The following KCNQ4 variants were observed in gnomAD, a reference collection of about 807,000 sequenced individuals.
KCNQ4 encodes potassium voltage-gated channel subfamily Q member 4, also known as potassium voltage-gated channel subfamily KQT member 4.
Under a neutral mutation model 72.6 loss-of-function variants are expected in KCNQ4, and 31 were observed. The observed-to-expected ratio is 0.43, with a 90% CI of 0.32 to 0.58. The LOEUF (loss-of-function observed/expected upper bound fraction) is 0.58. KCNQ4 is among the 20% of genes least tolerant of loss of function. The pLI, the probability that KCNQ4 is intolerant of heterozygous loss-of-function variation, is 0.08. For synonymous variants in KCNQ4, 405 were observed against 403.7 expected (o/e 1.00, Z -0.04); for missense variants, 869 against 962.6 (o/e 0.90, Z 1.29).
In KCNQ4 at chr1:40,819,506, C is replaced by G. The variant is rs146642553; in HGVS notation, c.834+34C>G. The G allele has an allele frequency of 5.9e-4, 949 of 1,612,094 alleles. 11 individuals are homozygous for G. In the African/African-American group the frequency reaches 0.011, roughly 19 times the overall value. On this transcript the variant is annotated intron_variant, in intron 5 of 13. Transcript: ENST00000347132. ...GGGTCTTTGTAGGGCTGCCCTTCTC[C>G]CTGGGATCCTCCCTGGGAACTTCCC...
At chr1:40,795,687 G>A (rs753580258) in intron 1 of KCNQ4, among the ~76,000 whole-genome samples, 4 of 152,018 alleles carry the variant, frequency 2.6e-5, no homozygotes, top group East Asian at 1.9e-4. Context: ...ATGGGGGAGC[G>A]GGGCAGGTGG....
intron 9 of KCNQ4, among the ~76,000 whole-genome samples, chr1:40,826,094 A>C (rs1175036884): frequency 6.6e-6 from 1 of 152,204 alleles, no homozygotes; most frequent in East Asian, 1.9e-4. Flanking sequence ...CCGTATCGTT[A>C]ATCGTGGCTG....
chr1:40,804,522 C>T (rs1647692246), intron 1 of KCNQ4, among the ~76,000 whole-genome samples: 1 of 152,180 alleles, frequency 6.6e-6, no homozygotes, highest in Admixed American at 6.5e-5. Flanking sequence ...TCCCCTCATA[C>T]AAGTCACCAT....
chr1:40,820,592 C>G (rs897143461), intron 7 of KCNQ4, among the ~76,000 whole-genome samples: 1 of 152,246 alleles, frequency 6.6e-6, no homozygotes, highest in African/African-American at 2.4e-5. Flanking sequence ...CCACTGCTGC[C>G]CCCATCAGCT....
In KCNQ4 at chr1:40,838,639, G is replaced by T; in HGVS notation, c.*116G>T. On this transcript the variant is annotated 3_prime_UTR_variant, in exon 14 of 14. Coordinates refer to ENST00000347132, the MANE Select transcript of KCNQ4 (RefSeq NM_004700.4). ...GAACTCACTCCCTCACGGGGAGAGAGACCACACGCAGTATTGAGCTGCCTG... is the reference window on the plus strand; with the variant it reads ...GAACTCACTCCCTCACGGGGAGAGATACCACACGCAGTATTGAGCTGCCTG... 1 of 989,042 alleles carries T rather than the reference G, an allele frequency of 1.0e-6. No individual in the cohort carries two copies. The highest frequency in any genetic ancestry group is 1.3e-5 in the South Asian group (1 of 74,888). 61.3% of individuals were successfully genotyped at this position (989,042 alleles called of 1,614,324 possible). A position where few individuals can be genotyped will look rare whatever the true frequency, so the allele number is the denominator to read the frequency against.
chr1:40,805,738 G>A (rs1570813616), intron 1 of KCNQ4, among the ~76,000 whole-genome samples: 1 of 152,196 alleles, frequency 6.6e-6, no homozygotes, highest in Non-Finnish European at 1.5e-5. Context: ...TTGGCCTGGT[G>A]GGTGGGGCTT....
chr1:40,809,403 A>G (rs1439185663), intron 1 of KCNQ4, among the ~76,000 whole-genome samples: 3 of 151,904 alleles, frequency 2.0e-5, no homozygotes, highest in Non-Finnish European at 4.4e-5. Context: ...CAGTGCCCAT[A>G]GCCCTCTCTC....
chr1:40,795,142 A>G (rs1053256324), intron 1 of KCNQ4, among the ~76,000 whole-genome samples: 26 of 152,052 alleles, frequency 1.7e-4, no homozygotes, highest in Admixed American at 1.5e-3. Flanking sequence ...TTCCTTATAC[A>G]TAGAATGACA....
chr1:40,803,415 T>C (rs1647643167), intron 1 of KCNQ4, among the ~76,000 whole-genome samples: 1 of 152,222 alleles, frequency 6.6e-6, no homozygotes, highest in Non-Finnish European at 1.5e-5. Flanking sequence ...TTTCTAGCTG[T>C]GTCCACGCCC....
intron 11 of KCNQ4, 24 bp downstream of exon 11, chr1:40,833,137 C>A (rs1490411946): frequency 3.2e-6 from 5 of 1,566,110 alleles, no homozygotes; most frequent in Admixed American, 1.7e-5. Flanking sequence ...CTGAGGCGAG[C>A]ACCCCCCTCC....
intron 11 of KCNQ4, among the ~76,000 whole-genome samples, chr1:40,833,655 C>A (rs1489883975): frequency 1.3e-5 from 2 of 151,922 alleles, no homozygotes; most frequent in Non-Finnish European, 2.9e-5. Context: ...CACTTTCTTC[C>A]CTGGCTGATA....
chr1:40,820,736 G>A (rs1648263079), intron 7 of KCNQ4, among the ~76,000 whole-genome samples: 2 of 152,222 alleles, frequency 1.3e-5, no homozygotes, highest in East Asian at 1.9e-4. Flanking sequence ...GGGTGGGCCT[G>A]CAAAGTTGAG....
chr1:40,817,356 G>GT lies in KCNQ4; in HGVS notation c.405+2dup, dbSNP rs1558011538. ...TGCCAACGAGTGTCTCCTCATCTTG[G>GT]TAAGTGCTGGGAGTCCGGGACTGAG... On this transcript the variant is annotated splice_donor_variant, in intron 2 of 13. Transcript: ENST00000347132. LOFTEE classifies it high-confidence loss of function. This position sits in a 1 kb window ranked among gnomAD's most constrained non-coding sequence, Gnocchi z 5.5. 2 of 1,612,754 alleles carry GT rather than the reference G, an allele frequency of 1.2e-6. No individual in the cohort carries two copies. Among genetic ancestry groups the GT allele is most frequent in the East Asian group, 4.5e-5 (2 of 44,868 alleles).
intron 13 of KCNQ4, among the ~76,000 whole-genome samples, chr1:40,838,061 GC>G (rs1190404524): frequency 2.0e-5 from 3 of 150,506 alleles, no homozygotes; most frequent in Non-Finnish European, 4.4e-5. Flanking sequence ...ATTTGACCCC[GC>G]CTCTCAGTTG....
Position 40,834,184 on chromosome 1 carries a change from C to T in KCNQ4, c.1614-783C>T, listed in dbSNP as rs535389217. Among the ~76,000 whole-genome samples the T allele has an allele frequency of 3.9e-5, 6 of 152,178 alleles. No homozygotes were observed. The East Asian group carries it at 1.2e-3, about 29-fold the overall frequency. ...ACCCAAGCCAGCTCTCCTGGGCCAC[C>T]CCACCGACCTCTCAGCCAGCATGCC... On this transcript the variant is annotated intron_variant, in intron 11 of 13. Coordinates refer to ENST00000347132, the MANE Select transcript of KCNQ4 (RefSeq NM_004700.4).
chr1:40,826,885 A>G (rs530684865), intron 9 of KCNQ4, among the ~76,000 whole-genome samples: 35 of 152,242 alleles, frequency 2.3e-4, no homozygotes, highest in Non-Finnish European at 5.0e-4. Context: ...CCAGGGTGCC[A>G]GGAGGGGCAC....
intron 1 of KCNQ4, among the ~76,000 whole-genome samples, chr1:40,787,837 C>G (rs1464770917): frequency 6.6e-6 from 1 of 152,222 alleles, no homozygotes; most frequent in Non-Finnish European, 1.5e-5. Context: ...CTTGCTGCCC[C>G]CTCTCAAAGG....
chr1:40,827,317 G>C (rs1019767837), intron 9 of KCNQ4, among the ~76,000 whole-genome samples: 37 of 152,206 alleles, frequency 2.4e-4, no homozygotes, highest in African/African-American at 8.9e-4. Context: ...AAGCACAGGG[G>C]CTGTGGAGCC....
Position 40,837,691 on chromosome 1 carries a change from C to G in KCNQ4, c.1772C>G (p.Pro591Arg), listed in dbSNP as rs1648844859. 19 of 1,613,186 alleles carry G rather than the reference C, an allele frequency of 1.2e-5. No individual in the cohort carries two copies. The highest frequency in any genetic ancestry group is 1.4e-5 in the Non-Finnish European group (16 of 1,179,830). ...GTGGACCAAATTGTGGGTCGGGGGC[C>G]CGGGGACAGGAAGGCCCGGGAGAAG... ...TRVDQIVGRGPGDRKAREKGD... is the reference protein window; with the variant it reads ...TRVDQIVGRGRGDRKAREKGD... Residue 591 changes from proline to arginine, a missense_variant, in exon 13 of 14, where the codon CCC becomes CGC. By Grantham distance (103) the Pro-to-Arg change is moderately radical. This residue lies in a region of KCNQ4 where 480 missense variants were observed against 501.9 expected (regional missense o/e 0.96). Transcript: ENST00000347132.
Sources: allele counts gnomAD v4.1 joint callset (sites outside exome capture counted in the v4.1 genomes callset), GRCh38; gene constraint gnomAD v4.1.1; regional missense constraint gnomAD v4.1.1; non-coding constraint Gnocchi (gnomAD v3.1); transcripts MANE v1.5; gene names NCBI Gene and HGNC (gene_info 2026-07-23, HGNC 2026-07-21).